Variants in PTPRD observed in about 807,000 individuals in gnomAD.
The protein encoded by PTPRD is receptor-type tyrosine-protein phosphatase delta.
PTPRD carries 34 observed loss-of-function variants against 214.5 expected under a neutral mutation model. The observed-to-expected ratio is 0.16, with a 90% CI of 0.12 to 0.21. PTPRD has a LOEUF of 0.21. PTPRD is among the 10% of genes least tolerant of loss of function. The probability of loss-of-function intolerance (pLI) is 1.00; values close to 1 mark genes in which losing one functional copy is unlikely to be tolerated. For missense variants in PTPRD, 2,545 were observed against 2,398.7 expected, an observed-to-expected ratio of 1.06 and a Z score of -1.27; for synonymous variants, 1,128 against 845.7, an observed-to-expected ratio of 1.33 and a Z score of -5.79.
At chr9:8,702,683 G>A (rs751779018) in intron 12 of PTPRD, among the ~76,000 whole-genome samples, 6 of 152,190 alleles carry the variant, frequency 3.9e-5, no homozygotes, top group Middle Eastern at 3.4e-3. Context: ...GCACGATCTC[G>A]GCTCACTGCA....
chr9:8,442,608 A>T (rs1166076736), intron 34 of PTPRD, among the ~76,000 whole-genome samples: 1 of 152,204 alleles, frequency 6.6e-6, no homozygotes, highest in African/African-American at 2.4e-5. Flanking sequence ...AGTCTTAACA[A>T]AAGTAGACTT....
chr9:10,006,001 G>A (rs1447179031), intron 4 of PTPRD, among the ~76,000 whole-genome samples: 1 of 151,522 alleles, frequency 6.6e-6, no homozygotes, highest in Non-Finnish European at 1.5e-5. Flanking sequence ...AACAAGGCAG[G>A]GCATGCAATT....
intron 8 of PTPRD, among the ~76,000 whole-genome samples, chr9:9,433,401 G>A (rs1332697873): frequency 6.6e-5 from 10 of 152,098 alleles, no homozygotes. Context: ...TCAGGACAAT[G>A]TTTATACTTA....
intron 7 of PTPRD, among the ~76,000 whole-genome samples, chr9:9,673,557 T>C (rs891662387): frequency 6.6e-6 from 1 of 151,616 alleles, no homozygotes; most frequent in East Asian, 1.9e-4. Flanking sequence ...AAAGAAAAGA[T>C]GAACACTACA....
At position 10,507,195 on chromosome 9, in the gene PTPRD, C is replaced by T. The variant is rs913342385; in HGVS notation, c.-600+105203G>A. Among the ~76,000 whole-genome samples the T allele has an allele frequency of 3.3e-5, 5 of 152,042 alleles. No homozygotes were observed. In the South Asian group the frequency reaches 6.2e-4, roughly 19 times the overall value. The stretch of plus-strand genomic sequence containing the variant: ...CAGATCATGAGTGAACTCCCATTCA[C>T]GATTGCTTCAAAGAGAATAAAATAC... On this transcript the variant is annotated intron_variant, in intron 2 of 45. Transcript: ENST00000381196.
chr9:10,290,474 G>C (rs1172935807), intron 3 of PTPRD, among the ~76,000 whole-genome samples: 2 of 152,120 alleles, frequency 1.3e-5, no homozygotes, highest in Non-Finnish European at 2.9e-5. Context: ...AGCTGTAGTT[G>C]TATCACAGTG....
chr9:9,560,319 C>T (rs932165996), intron 8 of PTPRD, among the ~76,000 whole-genome samples: 9 of 152,296 alleles, frequency 5.9e-5, no homozygotes, highest in South Asian at 2.1e-4. Flanking sequence ...GAATACAGGG[C>T]GAGCCTGCAA....
intron 35 of PTPRD, among the ~76,000 whole-genome samples, chr9:8,421,761 T>C (rs2094380523): frequency 6.6e-6 from 1 of 151,130 alleles, no homozygotes; most frequent in South Asian, 2.1e-4. Context: ...TCACCAAAGG[T>C]AGAAAAAAAA....
chr9:9,640,204 C>A (rs1428204835), intron 7 of PTPRD, among the ~76,000 whole-genome samples: 1 of 152,284 alleles, frequency 6.6e-6, no homozygotes, highest in East Asian at 1.9e-4. Flanking sequence ...AAGTGATGAT[C>A]TCAGTGGCAT....
chr9:10,172,104 T>A (rs1174496964), intron 3 of PTPRD, among the ~76,000 whole-genome samples: 1 of 152,160 alleles, frequency 6.6e-6, no homozygotes, highest in Non-Finnish European at 1.5e-5. Flanking sequence ...AATACACATA[T>A]GATGGTTCTT....
At chr9:8,923,693 C>G (rs1025204625) in intron 11 of PTPRD, among the ~76,000 whole-genome samples, 4 of 152,094 alleles carry the variant, frequency 2.6e-5, no homozygotes, top group South Asian at 2.1e-4. Context: ...AATAACAAAA[C>G]TTAGGTAAAC....
intron 10 of PTPRD, among the ~76,000 whole-genome samples, chr9:9,072,348 G>A (rs1048987070): frequency 4.7e-5 from 7 of 149,132 alleles, no homozygotes; most frequent in African/African-American, 7.4e-5. Flanking sequence ...TTTTGCCATT[G>A]ACCAGAATAA....
chr9:10,159,069 T>A (rs907553264), intron 3 of PTPRD, among the ~76,000 whole-genome samples: 1 of 152,122 alleles, frequency 6.6e-6, no homozygotes, highest in African/African-American at 2.4e-5. Context: ...TTGGAAATTG[T>A]CTTTGGAATA....
At chr9:10,494,590 A>C (rs2041451180) in intron 2 of PTPRD, among the ~76,000 whole-genome samples, 1 of 149,700 alleles carries the variant, frequency 6.7e-6, no homozygotes, top group Non-Finnish European at 1.5e-5. Flanking sequence ...GCTGTATGTA[A>C]GGGAAGATTT....
At chr9:10,327,171 G>GTGTATATATATATATA (rs71485326) in intron 3 of PTPRD, among the ~76,000 whole-genome samples, 1 of 142,876 alleles carries the variant, frequency 7.0e-6, no homozygotes, top group African/African-American at 2.5e-5. Context: ...ATATGTGTGT[G>GTGTATATATATATATA]TATATATATA....
At chr9:8,765,265 TTCCA>T (rs2094643466) in intron 11 of PTPRD, among the ~76,000 whole-genome samples, 1 of 152,240 alleles carries the variant, frequency 6.6e-6, no homozygotes, top group South Asian at 2.1e-4. Flanking sequence ...TAGTGACTGC[TTCCA>T]GCAAACAGAT....
intron 2 of PTPRD, among the ~76,000 whole-genome samples, chr9:10,478,153 A>T (rs950471546): frequency 6.6e-6 from 1 of 152,114 alleles, no homozygotes; most frequent in African/African-American, 2.4e-5. Context: ...AATGGAAAAA[A>T]AAAAGATTTC....
chr9:9,190,401 T>C (rs976790305), intron 9 of PTPRD, among the ~76,000 whole-genome samples: 5 of 152,000 alleles, frequency 3.3e-5, no homozygotes, highest in African/African-American at 4.8e-5. Context: ...TCTCACGAGA[T>C]CCAGTGGGTT....
chr9:8,675,534 C>CAAAAA (rs2097386836), intron 12 of PTPRD, among the ~76,000 whole-genome samples: 1 of 73,776 alleles, frequency 1.4e-5, no homozygotes, highest in African/African-American at 6.6e-5. Context: ...CACACACACA[C>CAAAAA]ACACAAAAAA....
Sources: gnomAD v4.1 joint callset for allele counts (sites outside exome capture counted in the v4.1 genomes callset) on GRCh38, gnomAD v4.1.1 for gene constraint, MANE v1.5 for transcripts, NCBI Gene and HGNC (gene_info 2026-07-23, HGNC 2026-07-21) for gene names.